The following TTC34 variants were observed in gnomAD, a reference collection of about 807,000 sequenced individuals.
The protein encoded by TTC34 is tetratricopeptide repeat protein 34.
Under a neutral mutation model 40.7 loss-of-function variants are expected in TTC34, and 44 were observed. The ratio of observed to expected loss-of-function variants is 1.08; its 90% CI spans 0.85 to 1.39. TTC34 has a LOEUF of 1.39. TTC34 is among the 40% of genes most tolerant of loss of function. The pLI, the probability that TTC34 is intolerant of heterozygous loss-of-function variation, is 0.00. For missense variants in TTC34, 884 were observed against 838.0 expected, an observed-to-expected ratio of 1.05 and a Z score of -0.68; for synonymous variants, 422 against 398.6, an observed-to-expected ratio of 1.06 and a Z score of -0.70.
intron 6 of TTC34, among the ~76,000 whole-genome samples, chr1:2,751,412 G>A (rs1641314937): frequency 7.3e-6 from 1 of 136,388 alleles, no homozygotes. Flanking sequence ...CACACACACA[G>A]GTGGGCATCT....
chr1:2,791,149 C>G (rs565871144), intron 2 of TTC34, among the ~76,000 whole-genome samples: 2,087 of 152,254 alleles, frequency 0.014, 23 homozygotes, highest in Admixed American at 0.024. Flanking sequence ...CCCCCCACCC[C>G]AGTGTGTCTG....
intron 6 of TTC34, among the ~76,000 whole-genome samples, chr1:2,681,649 G>A (rs1192203937): frequency 1.3e-5 from 1 of 78,278 alleles, no homozygotes; most frequent in Non-Finnish European, 3.1e-5. Context: ...CTGACAGCCT[G>A]GAGCAGCATC....
At chr1:2,768,068 A>T (rs1444081230) in intron 6 of TTC34, among the ~76,000 whole-genome samples, 1 of 151,288 alleles carries the variant, frequency 6.6e-6, no homozygotes, top group African/African-American at 2.4e-5. Context: ...TTTGCCAGCC[A>T]GGAACGGCAA....
intron 6 of TTC34, among the ~76,000 whole-genome samples, chr1:2,752,721 C>G (rs1377626427): frequency 3.1e-5 from 4 of 131,056 alleles, no homozygotes; most frequent in African/African-American, 9.5e-5. Context: ...CAGCATGGAA[C>G]AGCACCCTGC....
At chr1:2,694,929 A>G (rs1319367680) in intron 6 of TTC34, among the ~76,000 whole-genome samples, 1 of 127,826 alleles carries the variant, frequency 7.8e-6, no homozygotes, top group African/African-American at 3.0e-5. Flanking sequence ...CGAGCACCTG[A>G]CATCCTTGAG....
rs1471827553 is a variant in TTC34 at position 2,673,364 on chromosome 1, G to C, written c.2227-27801C>G. Among the ~76,000 whole-genome samples the C allele has an allele frequency of 8.6e-5, 6 of 69,376 alleles. 2 individuals carry two copies. The highest frequency in any genetic ancestry group is 1.3e-4 in the Non-Finnish European group (4 of 30,388). The allele number at this position is 69,376 out of a possible 152,430, so 45.5% of individuals were successfully genotyped here. A position where few individuals can be genotyped will look rare whatever the true frequency, so the allele number is the denominator to read the frequency against. On this transcript the variant is annotated intron_variant, in intron 6 of 8. Coordinates refer to ENST00000401095, the Ensembl canonical transcript of TTC34. Reference sequence around the variant, plus strand: ...TGGAGCGGAACCCACGGCCACAGGCGAGCATCTGAGGGCCTGGGTCGGCAC... The same window carrying C: ...TGGAGCGGAACCCACGGCCACAGGCCAGCATCTGAGGGCCTGGGTCGGCAC...
intron 6 of TTC34, among the ~76,000 whole-genome samples, chr1:2,677,169 C>A (rs1252098024): frequency 1.8e-5 from 1 of 55,270 alleles, no homozygotes; most frequent in Non-Finnish European, 4.4e-5. Context: ...AGTGACCACA[C>A]CTCCAGGTGA....
In TTC34 at chr1:2,699,013, C is replaced by A. The variant is rs547916131; in HGVS notation, c.2227-53450G>T. Among the ~76,000 whole-genome samples, 7 of 144,622 alleles carry A rather than the reference C, an allele frequency of 4.8e-5. 2 individuals carry two copies. The highest frequency in any genetic ancestry group is 9.3e-5 in the Non-Finnish European group (6 of 64,498). 94.9% of individuals were successfully genotyped at this position (144,622 alleles called of 152,430 possible). ...ACAGCCTGGAAAGGCACCCACACCA[C>A]CAGGTGAGCATCTGATGGTCTGGAG... is the stretch of plus-strand genomic sequence containing the variant. On this transcript the variant is annotated intron_variant, in intron 6 of 8. Transcript: ENST00000401095.
intron 6 of TTC34, among the ~76,000 whole-genome samples, chr1:2,677,654 C>A (rs370705667): frequency 6.9e-6 from 1 of 144,770 alleles, no homozygotes; most frequent in Non-Finnish European, 1.5e-5. Flanking sequence ...CACACACCCC[C>A]AGGCGAGCAT....
At chr1:2,794,744 T>C (rs1643696988) in intron 2 of TTC34, among the ~76,000 whole-genome samples, 1 of 152,170 alleles carries the variant, frequency 6.6e-6, no homozygotes. Context: ...TTGGGATAGA[T>C]ATTATCTTTT....
At chr1:2,789,544 C>A (rs1643636291) in exon 3 of TTC34, 4 of 1,500,056 alleles carry the variant, frequency 2.7e-6, no homozygotes, top group Non-Finnish European at 2.7e-6. Context: ...CGGCCTCCCT[C>A]CGGCCCTGCG....
intron 6 of TTC34, among the ~76,000 whole-genome samples, chr1:2,683,441 G>T (rs896431864): frequency 1.3e-5 from 2 of 149,110 alleles, no homozygotes; most frequent in African/African-American, 4.9e-5. Context: ...ACCCCCAGGT[G>T]AGCATCCGAC....
chr1:2,684,276 C>A (rs1289140751), intron 6 of TTC34, among the ~76,000 whole-genome samples: 2 of 145,426 alleles, frequency 1.4e-5, no homozygotes, highest in East Asian at 2.0e-4. Flanking sequence ...GAACCCACGC[C>A]CACAGGCAAG....
chr1:2,787,832 C>G, intron 3 of TTC34, 126 bp from the exon 4 acceptor site: 1 of 735,386 alleles, frequency 1.4e-6, no homozygotes, highest in Non-Finnish European at 2.1e-6. Context: ...CGGAGGGACC[C>G]TCACGCCACA....
At chr1:2,800,962 T>C in intron 1 of TTC34, 94 bp from the exon 2 acceptor site, 1 of 397,674 alleles carries the variant, frequency 2.5e-6, no homozygotes, top group South Asian at 1.4e-4. Flanking sequence ...CTCCACCCCT[T>C]CCCATTGACC....
intron 6 of TTC34, among the ~76,000 whole-genome samples, chr1:2,782,268 A>G (rs1643495208): frequency 6.6e-6 from 1 of 152,144 alleles, no homozygotes; most frequent in East Asian, 1.9e-4. Context: ...TTTCACCTAG[A>G]TTAACTGATT....
In TTC34 at chr1:2,645,716, C is replaced by T. The variant is rs1639009200; in HGVS notation, c.2227-153G>A. 1.3e-5 allele frequency among the ~76,000 whole-genome samples: 2 copies of T among 152,152 alleles called. No individual in the cohort carries two copies. The highest frequency in any genetic ancestry group is 2.9e-5 in the Non-Finnish European group (2 of 68,016). ...TGAACACCCAGCTTCCTGCCCCTTCCTGCTTCTCTGTGGCTGCAGCCTCCT... is the reference window on the plus strand; with the variant it reads ...TGAACACCCAGCTTCCTGCCCCTTCTTGCTTCTCTGTGGCTGCAGCCTCCT... On this transcript the variant is annotated intron_variant, in intron 6 of 8. Coordinates refer to ENST00000401095, the Ensembl canonical transcript of TTC34. The surrounding 1 kb of genome is among the most constrained non-coding windows in gnomAD (Gnocchi z 4.7).
chr1:2,694,872 C>A lies in TTC34; in HGVS notation c.2227-49309G>T, dbSNP rs1298716213. Among the ~76,000 whole-genome samples, 3 of 112,106 alleles carry A rather than the reference C, an allele frequency of 2.7e-5. 1 individual carries two copies. Among genetic ancestry groups the A allele is most frequent in the East Asian group, 5.0e-4 (2 of 3,982 alleles). The allele number at this position is 112,106 out of a possible 152,430, so 73.5% of individuals were successfully genotyped here. A position where few individuals can be genotyped will look rare whatever the true frequency, so the allele number is the denominator to read the frequency against. On this transcript the variant is annotated intron_variant, in intron 6 of 8. Coordinates refer to ENST00000401095, the Ensembl canonical transcript of TTC34. ...TGATGGTCTGGAGCAGCACCCACAA[C>A]CACAGGTGAGCATCCGACAGCCTGG... is the stretch of plus-strand genomic sequence containing the variant.
rs554219727 is a variant in TTC34, at chr1:2,645,545, C to T, written c.2245G>A (p.Val749Ile). The T allele has an allele frequency of 1.3e-5, 13 of 1,020,524 alleles. No individual in the cohort carries two copies. In the Admixed American group the frequency reaches 2.3e-4, roughly 18 times the overall value. 63.2% of individuals were successfully genotyped at this position (1,020,524 alleles called of 1,614,324 possible). A position where few individuals can be genotyped will look rare whatever the true frequency, so the allele number is the denominator to read the frequency against. The change falls in exon 7 of 9, where the codon GTC becomes ATC. Residue 749 changes from valine to isoleucine, a missense_variant. Val to Ile is a conservative substitution (Grantham distance 29). Transcript: ENST00000401095. This position sits in a 1 kb window ranked among gnomAD's most constrained non-coding sequence, Gnocchi z 4.7. ...CCGGGGCCGAGCTTCAGAGCAGAGACGATGTCGTCCACGGCTTCCTGCAAG... is the reference window on the plus strand; with the variant it reads ...CCGGGGCCGAGCTTCAGAGCAGAGATGATGTCGTCCACGGCTTCCTGCAAG...
Sources: gnomAD v4.1 joint callset for allele counts (sites outside exome capture counted in the v4.1 genomes callset) on GRCh38, gnomAD v4.1.1 for gene constraint, Gnocchi (gnomAD v3.1) non-coding constraint, MANE v1.5 for transcripts, NCBI Gene and HGNC (gene_info 2026-07-23, HGNC 2026-07-21) for gene names.